Variants in SF3B3 observed in about 807,000 individuals in gnomAD.
The protein encoded by SF3B3 is splicing factor 3b subunit 3, also known as SAP 130.
In SF3B3, 33 loss-of-function variants were observed where a neutral mutation model predicts 139.2. That is an observed-to-expected ratio of 0.24 (90% CI 0.18 to 0.32). The LOEUF is 0.32. Ranked by LOEUF, SF3B3 falls within the 10% of genes least tolerant of loss-of-function variation. The probability of loss-of-function intolerance (pLI) is 1.00; values close to 1 mark genes in which losing one functional copy is unlikely to be tolerated. For synonymous variants in SF3B3, 596 were observed against 563.6 expected (o/e 1.06, Z -0.81); for missense variants, 818 against 1,509.4 (o/e 0.54, Z 7.59).
chr16:70,565,672 G>A, intron 20 of SF3B3, 148 bp downstream of exon 20: 2 of 697,572 alleles, frequency 2.9e-6, no homozygotes, highest in Non-Finnish European at 2.4e-6. Flanking sequence ...GGGCCTTCTA[G>A]CTGCAGTGAT....
intron 23 of SF3B3, 87 bp from the exon 24 acceptor site, chr16:70,569,919 T>G: frequency 7.0e-7 from 1 of 1,437,310 alleles, no homozygotes; most frequent in Non-Finnish European, 9.6e-7. Context: ...GATGATGAAA[T>G]GTGCCTTAGG....
chr16:70,564,878 T>C (rs1172510851), intron 18 of SF3B3, among the ~76,000 whole-genome samples, 187 bp from the exon 19 acceptor site: 1 of 152,222 alleles, frequency 6.6e-6, no homozygotes, highest in Admixed American at 6.5e-5. Flanking sequence ...CCCTTTCTGA[T>C]CTTCTGTCTT....
intron 22 of SF3B3, 38 bp downstream of exon 22, chr16:70,568,533 T>C (rs2151795349): frequency 6.5e-7 from 1 of 1,533,708 alleles, no homozygotes; most frequent in Non-Finnish European, 9.0e-7. Context: ...CAGTGATGTG[T>C]AGGAAAGCTG....
Position 70,554,437 on chromosome 16 carries a change from C to A in SF3B3, c.1403-9C>A. The A allele has an allele frequency of 1.2e-6, 2 of 1,613,586 alleles. No individual in the cohort carries two copies. The highest frequency in any genetic ancestry group is 1.7e-4 in the Middle Eastern group (1 of 6,058). On this transcript the variant is annotated splice_polypyrimidine_tract_variant and intron_variant, in intron 11 of 25. Coordinates refer to ENST00000302516, the MANE Select transcript of SF3B3 (RefSeq NM_012426.5). ...CTTATCTAACCAACTCCCTTCTTTT[C>A]TTTTTCAGATGAGTTTGATGCCTAC... is the stretch of plus-strand genomic sequence containing the variant.
rs1329216911 is a variant in SF3B3, at chr16:70,544,466, C to A, written c.1262C>A (p.Pro421Gln). ...GCTGATCTGGCCAATGAAGATACTC[C>A]ACAGTTGTATGTGGCCTGTGGTAGG... ...QIADLANEDT[P>Q]QLYVACGRGP... is the part of the protein sequence containing the mutation. The change falls in exon 10 of 26, where the codon CCA becomes CAA. Residue 421 changes from proline (P) to glutamine (Q), a missense_variant. Physicochemically the swap from Pro to Gln is moderately conservative, Grantham distance 76. This residue lies in a region of SF3B3 where 31 missense variants were observed against 77.3 expected (regional missense o/e 0.40). Coordinates refer to ENST00000302516, the MANE Select transcript of SF3B3 (RefSeq NM_012426.5). 6.2e-7 allele frequency: 1 copy of A among 1,612,400 alleles called. No individual in the cohort carries two copies. Among genetic ancestry groups the A allele is most frequent in the Admixed American group, 1.7e-5 (1 of 59,998 alleles).
At chr16:70,551,694 C>T (rs1330414279) in intron 11 of SF3B3, among the ~76,000 whole-genome samples, 1 of 150,970 alleles carries the variant, frequency 6.6e-6, no homozygotes, top group Non-Finnish European at 1.5e-5. Context: ...CAGAGCGAAA[C>T]TCTCTCCAAA....
chr16:70,527,562 T>C (rs1395427139), intron 2 of SF3B3, among the ~76,000 whole-genome samples: 1 of 152,194 alleles, frequency 6.6e-6, no homozygotes, highest in Non-Finnish European at 1.5e-5. Context: ...CTGATCCTCA[T>C]TATGGCTCTT....
chr16:70,568,208 C>T (rs780793401), intron 21 of SF3B3, 75 bp from the exon 22 acceptor site: 166 of 1,141,536 alleles, frequency 1.5e-4, no homozygotes, highest in Non-Finnish European at 2.0e-4. Flanking sequence ...GTATGTCATA[C>T]GGAAAGCTGG....
rs554719491 is a variant in SF3B3, at chr16:70,523,886, G to A, written c.-113G>A. ...GGTGGTGGCTTAAGTTTTGAAGGGA[G>A]GTAGCATCCGTTGGATATCCACACC... On this transcript the variant is annotated 5_prime_UTR_variant, in exon 1 of 26. Coordinates refer to ENST00000302516, the MANE Select transcript of SF3B3 (RefSeq NM_012426.5). 2.0e-5 allele frequency: 10 copies of A among 488,834 alleles called. No homozygotes were observed. The highest frequency in any genetic ancestry group is 3.6e-5 in the Non-Finnish European group (10 of 278,682). 30.3% of individuals were successfully genotyped at this position (488,834 alleles called of 1,614,324 possible).
At chr16:70,538,985 T>C in intron 7 of SF3B3, 119 bp from the exon 8 acceptor site, 1 of 751,436 alleles carries the variant, frequency 1.3e-6, no homozygotes, top group Non-Finnish European at 2.4e-6. Flanking sequence ...AGCCGGAGTT[T>C]GTTGACCCCT....
In SF3B3 at chr16:70,525,682, A is replaced by G. The variant is rs150612846; in HGVS notation, c.-70-905A>G. Among the ~76,000 whole-genome samples the G allele has an allele frequency of 2.6e-5, 4 of 151,974 alleles. No individual in the cohort carries two copies. In the East Asian group the frequency reaches 7.8e-4, roughly 30 times the overall value. On this transcript the variant is annotated intron_variant, in intron 1 of 25. Transcript: ENST00000302516. The stretch of plus-strand genomic sequence containing the variant: ...GAACGTTAAACATATACCTTAGTCT[A>G]TGGGCTGGGCGCGGTGGCTCAACGC...
chr16:70,526,338 G>A (rs1276791117), intron 1 of SF3B3, among the ~76,000 whole-genome samples: 1 of 152,036 alleles, frequency 6.6e-6, no homozygotes, highest in Admixed American at 6.6e-5. Context: ...CTCCCGAGTA[G>A]CTGGGACTAC....
intron 11 of SF3B3, among the ~76,000 whole-genome samples, chr16:70,549,058 C>G (rs2050296419): frequency 6.6e-6 from 1 of 152,196 alleles, no homozygotes; most frequent in African/African-American, 2.4e-5. Context: ...ACTGCAATAG[C>G]AGGAAAGTCT....
chr16:70,530,201 C>T, intron 3 of SF3B3, among the ~76,000 whole-genome samples: 1 of 151,636 alleles, frequency 6.6e-6, no homozygotes, highest in Non-Finnish European at 1.5e-5. Context: ...CACAATGCTG[C>T]CCAGGATGGT....
intron 11 of SF3B3, among the ~76,000 whole-genome samples, chr16:70,549,839 C>CA (rs2050305384): frequency 6.6e-6 from 1 of 152,102 alleles, no homozygotes; most frequent in Non-Finnish European, 1.5e-5. Context: ...GCAGGAGAAT[C>CA]ACTTGAACCT....
At chr16:70,527,588 CT>C (rs2050076555) in intron 2 of SF3B3, among the ~76,000 whole-genome samples, 1 of 151,964 alleles carries the variant, frequency 6.6e-6, no homozygotes, top group African/African-American at 2.4e-5. Flanking sequence ...GGGTTTGAGT[CT>C]TCATTTGGGT....
chr16:70,561,696 C>T lies in SF3B3; in HGVS notation c.2200C>T (p.Leu734=). ...CCAATCTCGCTTCCATCTCACCCCA[C>T]TGTCTTACGAGACACTGGAATTTGC... ...SYQSRFHLTP[L]SYETLEFASG... Residue 734 remains leucine (L), a synonymous_variant, in exon 17 of 26, where the codon CTG becomes TTG. Coordinates refer to ENST00000302516, the MANE Select transcript of SF3B3 (RefSeq NM_012426.5). 4.3e-6 allele frequency: 7 copies of T among 1,613,470 alleles called. No individual in the cohort carries two copies. The highest frequency in any genetic ancestry group is 5.9e-6 in the Non-Finnish European group (7 of 1,179,392).
chr16:70,529,450 C>T (rs2050099637), intron 3 of SF3B3: 1 of 505,626 alleles, frequency 2.0e-6, no homozygotes, highest in African/African-American at 1.9e-5. Flanking sequence ...TTTTCTTTGG[C>T]AAAAAGACTA....
In SF3B3 at chr16:70,572,295, G is replaced by A; in HGVS notation, c.*482G>A. ...CAGAAATAGAAACCTAGTTTTTAAG[G>A]TGACTGGCATCCATGTGTCTTGTTC... On this transcript the variant is annotated 3_prime_UTR_variant, in exon 26 of 26. Coordinates refer to ENST00000302516, the MANE Select transcript of SF3B3 (RefSeq NM_012426.5). 1 of 324,340 alleles carries A rather than the reference G, an allele frequency of 3.1e-6. No homozygotes were observed. Among genetic ancestry groups the A allele is most frequent in the Non-Finnish European group, 6.1e-6 (1 of 164,646 alleles). The allele number at this position is 324,340 out of a possible 1,614,324, so 20.1% of individuals were successfully genotyped here.
Sources: gnomAD v4.1 joint callset for allele counts (sites outside exome capture counted in the v4.1 genomes callset) on GRCh38, gnomAD v4.1.1 for gene constraint, gnomAD v4.1.1 regional missense constraint, MANE v1.5 for transcripts, NCBI Gene and HGNC (gene_info 2026-07-23, HGNC 2026-07-21) for gene names.